CHRM2: variants seen among roughly 807,000 people sequenced by gnomAD.
CHRM2 encodes muscarinic acetylcholine receptor M2.
Under a neutral mutation model 25.0 loss-of-function variants are expected in CHRM2, and 8 were observed. The ratio of observed to expected loss-of-function variants is 0.32; its 90% CI spans 0.19 to 0.58. The LOEUF is 0.58. CHRM2 is among the 20% of genes least tolerant of loss of function. The pLI is 0.88. For synonymous variants in CHRM2, 202 were observed against 205.7 expected, an observed-to-expected ratio of 0.98 and a Z score of 0.15; for missense variants, 440 against 567.1, an observed-to-expected ratio of 0.78 and a Z score of 2.28.
At chr7:136,952,124 G>C (rs1363635717) in intron 2 of CHRM2, among the ~76,000 whole-genome samples, 1 of 152,112 alleles carries the variant, frequency 6.6e-6, no homozygotes, top group Non-Finnish European at 1.5e-5. Flanking sequence ...AAGTAGATTC[G>C]AGGGCTTGTG....
At chr7:136,982,941 G>A (rs1475449739) in intron 2 of CHRM2, among the ~76,000 whole-genome samples, 1 of 152,126 alleles carries the variant, frequency 6.6e-6, no homozygotes, top group Non-Finnish European at 1.5e-5. Context: ...TTCTTGAGGA[G>A]TATCTTTGTG....
At chr7:136,917,471 C>A (rs1237900837) in intron 2 of CHRM2, among the ~76,000 whole-genome samples, 5 of 152,020 alleles carry the variant, frequency 3.3e-5, no homozygotes, top group Non-Finnish European at 7.4e-5. Flanking sequence ...TCCACAGGGC[C>A]AGAATCATAA....
chr7:136,885,197 T>A (rs1031814487), intron 2 of CHRM2, among the ~76,000 whole-genome samples: 1 of 152,218 alleles, frequency 6.6e-6, no homozygotes, highest in Non-Finnish European at 1.5e-5. Flanking sequence ...TTATCATCCC[T>A]CCTTAGCAAT....
chr7:136,943,037 CT>C (rs1799864350), intron 2 of CHRM2, among the ~76,000 whole-genome samples: 1 of 152,158 alleles, frequency 6.6e-6, no homozygotes, highest in East Asian at 1.9e-4. Context: ...CACTGGGGCT[CT>C]GTCTTCAGCT....
chr7:137,005,747 C>T (rs1008024210), intron 3 of CHRM2, among the ~76,000 whole-genome samples: 6 of 152,180 alleles, frequency 3.9e-5, no homozygotes, highest in African/African-American at 1.4e-4. Context: ...CTAGAATTTT[C>T]TATCATAGTC....
At chr7:137,001,626 C>G (rs542648184) in intron 3 of CHRM2, among the ~76,000 whole-genome samples, 1 of 152,014 alleles carries the variant, frequency 6.6e-6, no homozygotes, top group Admixed American at 6.6e-5. Context: ...GAGATTTGGC[C>G]GTGGCACACT....
At chr7:136,915,654 T>TGA (rs1208929041) in intron 2 of CHRM2, among the ~76,000 whole-genome samples, 2 of 151,686 alleles carry the variant, frequency 1.3e-5, no homozygotes, top group Non-Finnish European at 2.9e-5. Context: ...ATTACTAAAT[T>TGA]GAGAGAGAGG....
intron 2 of CHRM2, among the ~76,000 whole-genome samples, chr7:136,934,219 C>A (rs1184184779): frequency 2.6e-5 from 4 of 152,102 alleles, no homozygotes; most frequent in African/African-American, 9.7e-5. Context: ...TTTTTCTAGT[C>A]ACCAAAGCTT....
At chr7:136,928,041 C>T (rs2130765738) in intron 2 of CHRM2, among the ~76,000 whole-genome samples, 1 of 152,212 alleles carries the variant, frequency 6.6e-6, no homozygotes, top group African/African-American at 2.4e-5. Context: ...CTGTTTCTTG[C>T]TCTGTGGCAT....
intron 2 of CHRM2, among the ~76,000 whole-genome samples, chr7:136,962,316 G>GT (rs1801143780): frequency 1.3e-5 from 2 of 152,074 alleles, no homozygotes; most frequent in Non-Finnish European, 2.9e-5. Flanking sequence ...TGTATTTTTA[G>GT]TAGAGACAGG....
intron 2 of CHRM2, chr7:136,871,978 T>A (rs1584676433): frequency 6.6e-6 from 1 of 152,238 alleles, no homozygotes; most frequent in Non-Finnish European, 1.5e-5. Context: ...TGACTCTATT[T>A]GCTTTCCTGG....
chr7:136,886,790 G>C (rs1031580604), intron 2 of CHRM2, among the ~76,000 whole-genome samples: 2 of 152,062 alleles, frequency 1.3e-5, no homozygotes, highest in Non-Finnish European at 2.9e-5. Flanking sequence ...AGGATCATTT[G>C]AGCCCCCAGC....
At chr7:136,977,422 A>G (rs997604963) in intron 2 of CHRM2, among the ~76,000 whole-genome samples, 3 of 151,604 alleles carry the variant, frequency 2.0e-5, no homozygotes, top group Non-Finnish European at 4.4e-5. Flanking sequence ...CCACTCATCC[A>G]TTTACAAGGT....
rs952925877 is a variant in CHRM2, at chr7:137,017,918, T to C, written c.*1652T>C. The stretch of plus-strand genomic sequence containing the variant: ...AGGATTATACGGATTCACATACAAC[T>C]AGTTATTTTTATCCTTTATATTTTT... On this transcript the variant is annotated 3_prime_UTR_variant, in exon 4 of 4. Coordinates refer to ENST00000680005, the MANE Select transcript of CHRM2 (RefSeq NM_001006630.2). 7 of 151,916 alleles carry C rather than the reference T, an allele frequency of 4.6e-5. No homozygotes were observed. The highest frequency in any genetic ancestry group is 1.3e-4 in the Admixed American group (2 of 15,210). 9.4% of individuals were successfully genotyped at this position (151,916 alleles called of 1,614,324 possible). A position where few individuals can be genotyped will look rare whatever the true frequency, so the allele number is the denominator to read the frequency against.
intron 3 of CHRM2, among the ~76,000 whole-genome samples, chr7:136,994,072 G>A (rs981171462): frequency 6.6e-6 from 1 of 152,170 alleles, no homozygotes; most frequent in African/African-American, 2.4e-5. Context: ...GTGAAATCAA[G>A]ACCTTGCCGC....
At chr7:136,873,976 T>G (rs1470636115) in intron 2 of CHRM2, among the ~76,000 whole-genome samples, 2 of 152,198 alleles carry the variant, frequency 1.3e-5, no homozygotes, top group Non-Finnish European at 2.9e-5. Context: ...AAACAGAAGT[T>G]CTTTTGTCTG....
intron 2 of CHRM2, among the ~76,000 whole-genome samples, chr7:136,910,534 C>T (rs1408633989): frequency 2.0e-5 from 3 of 151,886 alleles, no homozygotes; most frequent in African/African-American, 7.2e-5. Flanking sequence ...GATCTCTTTT[C>T]ATCACTGAGA....
intron 2 of CHRM2, among the ~76,000 whole-genome samples, chr7:136,924,192 CTTTT>C (rs576412629): frequency 6.6e-6 from 1 of 150,656 alleles, no homozygotes; most frequent in Non-Finnish European, 1.5e-5. Context: ...CACATTATTT[CTTTT>C]TTTTTCAGTT....
At position 136,894,703 on chromosome 7, in the gene CHRM2, A is replaced by T. The variant is rs544905862; in HGVS notation, c.-125+25285A>T. On this transcript the variant is annotated intron_variant, in intron 2 of 3. Coordinates refer to ENST00000680005, the MANE Select transcript of CHRM2 (RefSeq NM_001006630.2). ...TTAAACATTTTTAAAGTCTACATAC[A>T]TTTATTTTTCAATCAGAAAAAAATG... Among the ~76,000 whole-genome samples, 8 of 152,266 alleles carry T rather than the reference A, an allele frequency of 5.3e-5. No individual in the cohort carries two copies. The South Asian group carries it at 1.5e-3, about 28-fold the overall frequency.
Sources: allele counts gnomAD v4.1 joint callset (sites outside exome capture counted in the v4.1 genomes callset), GRCh38; gene constraint gnomAD v4.1.1; transcripts MANE v1.5; gene names NCBI Gene and HGNC (gene_info 2026-07-23, HGNC 2026-07-21).